SLC36A4: variants seen among roughly 807,000 people sequenced by gnomAD.
SLC36A4 encodes neutral amino acid uniporter 4.
In SLC36A4, 49 loss-of-function variants were observed where a neutral mutation model predicts 50.5. That is an observed-to-expected ratio of 0.97 (90% confidence interval 0.77 to 1.23). The LOEUF (loss-of-function observed/expected upper bound fraction) is 1.23, where lower values mean the gene tolerates loss of function less well. Ranked by LOEUF, SLC36A4 falls within the 50% of genes most tolerant of loss-of-function variation. SLC36A4 has a pLI of 0.00. For missense variants in SLC36A4, 611 were observed against 608.4 expected (o/e 1.00, Z -0.05); for synonymous variants, 207 against 206.5 (o/e 1.00, Z -0.02).
chr11:93,149,838 T>C (rs969360263), intron 10 of SLC36A4, among the ~76,000 whole-genome samples: 1 of 152,018 alleles, frequency 6.6e-6, no homozygotes, highest in Non-Finnish European at 1.5e-5. Flanking sequence ...ATTGTATCCA[T>C]GCTAATTTCT....
intron 5 of SLC36A4, 24 bp from the exon 6 acceptor site, chr11:93,180,905 A>T: frequency 7.0e-7 from 1 of 1,435,980 alleles, no homozygotes; most frequent in South Asian, 1.2e-5. Context: ...TCCACAAATG[A>T]GTATCCAGGA....
Position 93,175,198 on chromosome 11 carries a change from T to G in SLC36A4, c.540+5599A>C, listed in dbSNP as rs373872701. On this transcript the variant is annotated intron_variant, in intron 6 of 10. Transcript: ENST00000326402. ...TGGGAGAGTGTATGTGTCGAGGAAT[T>G]TATCCATTTCTTCTAGATTTTCTAG... is the stretch of plus-strand genomic sequence containing the variant. 3.5e-4 allele frequency among the ~76,000 whole-genome samples: 53 copies of G among 151,290 alleles called. 1 individual carries two copies. The highest frequency in any genetic ancestry group is 2.0e-3 in the East Asian group (10 of 5,104).
intron 9 of SLC36A4, chr11:93,160,302 TCTTG>T (rs1211556517): frequency 1.0e-6 from 1 of 985,326 alleles, no homozygotes; most frequent in Non-Finnish European, 1.2e-6. Context: ...GAAATATGTG[TCTTG>T]ACTGGCTTTC....
At chr11:93,197,304 G>T (rs1364070409) in intron 1 of SLC36A4, 2 of 158,390 alleles carry the variant, frequency 1.3e-5, no homozygotes, top group Non-Finnish European at 2.8e-5. Flanking sequence ...GCAAGCTACA[G>T]GTATCTCCTG....
intron 10 of SLC36A4, 137 bp from the exon 11 acceptor site, chr11:93,148,981 T>C: frequency 2.0e-6 from 2 of 980,384 alleles, no homozygotes; most frequent in Non-Finnish European, 3.0e-6. Context: ...CTATTGCTTG[T>C]GAAAAAAATC....
intron 6 of SLC36A4, among the ~76,000 whole-genome samples, chr11:93,176,714 G>C (rs1026743111): frequency 2.0e-5 from 3 of 152,060 alleles, no homozygotes; most frequent in Non-Finnish European, 4.4e-5. Context: ...ATGAAGCTTA[G>C]TTTGGCTGGA....
At position 93,180,889 on chromosome 11, in the gene SLC36A4, A is replaced by C; in HGVS notation, c.456-8T>G. The C allele has an allele frequency of 6.3e-7, 1 of 1,593,896 alleles. No individual in the cohort carries two copies. The highest frequency in any genetic ancestry group is 8.6e-7 in the Non-Finnish European group (1 of 1,162,038). ...AAAAAGTCAACCACACTCCTGAAAA[A>C]AGATATCCACAAATGAGTATCCAGG... On this transcript the variant is annotated splice_polypyrimidine_tract_variant and splice_region_variant and intron_variant, in intron 5 of 10. Coordinates refer to ENST00000326402, the MANE Select transcript of SLC36A4 (RefSeq NM_152313.4).
Position 93,185,809 on chromosome 11 carries a change from C to T in SLC36A4, c.61G>A (p.Asp21Asn). ...GAARREELDMDVMRPLINEQN... is the reference protein window; with the variant it reads ...GAARREELDMNVMRPLINEQN... ...TCATTTATCAAGGGCCTCATTACAT[C>T]CATATCTTTAAAAAAGAAAAACAAA... The change falls in exon 2 of 11, where the codon GAT becomes AAT. Residue 21 changes from aspartate to asparagine, a missense_variant. Transcript: ENST00000326402. 3 of 1,580,026 alleles carry T rather than the reference C, an allele frequency of 1.9e-6. No homozygotes were observed. The highest frequency in any genetic ancestry group is 2.6e-6 in the Non-Finnish European group (3 of 1,171,440).
chr11:93,173,260 G>A (rs1278592658), intron 6 of SLC36A4, among the ~76,000 whole-genome samples: 6 of 150,704 alleles, frequency 4.0e-5, no homozygotes, highest in Admixed American at 6.6e-5. Flanking sequence ...AGAAGTGTCC[G>A]TTCATGTCCT....
chr11:93,154,788 T>G (rs1218562714), intron 9 of SLC36A4: 1 of 152,136 alleles, frequency 6.6e-6, no homozygotes, highest in Non-Finnish European at 1.5e-5. Flanking sequence ...CTAAACGGTT[T>G]CAACTTGCTA....
At chr11:93,162,945 A>T (rs1860697990) in intron 8 of SLC36A4, 70 bp from the exon 9 acceptor site, 1 of 1,449,002 alleles carries the variant, frequency 6.9e-7, no homozygotes, top group East Asian at 2.4e-5. Context: ...TCTCTTATAC[A>T]TACAAATTGG....
intron 6 of SLC36A4, among the ~76,000 whole-genome samples, chr11:93,179,642 T>A (rs767951747): frequency 6.6e-6 from 1 of 152,190 alleles, no homozygotes; most frequent in Non-Finnish European, 1.5e-5. Flanking sequence ...CCTAACTAGC[T>A]ATGAACTCTT....
At chr11:93,155,497 A>C (rs1860314781) in intron 9 of SLC36A4, 1 of 151,950 alleles carries the variant, frequency 6.6e-6, no homozygotes, top group African/African-American at 2.4e-5. Context: ...TTTAAGTATA[A>C]ATGTACTTAA....
chr11:93,196,057 T>A (rs959357690), intron 1 of SLC36A4, among the ~76,000 whole-genome samples: 5 of 152,228 alleles, frequency 3.3e-5, no homozygotes, highest in Non-Finnish European at 7.3e-5. Context: ...TTGCTCACGA[T>A]GTATCTCAAG....
At chr11:93,155,880 T>C (rs532725537) in intron 9 of SLC36A4, among the ~76,000 whole-genome samples, 1 of 152,298 alleles carries the variant, frequency 6.6e-6, no homozygotes, top group South Asian at 2.1e-4. Context: ...TCCAGCTCCA[T>C]CCATGTTCCT....
intron 1 of SLC36A4, among the ~76,000 whole-genome samples, chr11:93,193,790 T>C (rs919366150): frequency 6.6e-6 from 1 of 152,160 alleles, no homozygotes; most frequent in Non-Finnish European, 1.5e-5. Context: ...AATTTAGCAA[T>C]ATCCTATGTA....
intron 4 of SLC36A4, chr11:93,182,141 T>A (rs1284557001): frequency 5.7e-6 from 1 of 175,544 alleles, no homozygotes. Flanking sequence ...TAGAACAGCA[T>A]TATTTAATAA....
At chr11:93,167,749 C>T (rs570967161) in intron 7 of SLC36A4, among the ~76,000 whole-genome samples, 195 bp downstream of exon 7, 1 of 152,200 alleles carries the variant, frequency 6.6e-6, no homozygotes, top group South Asian at 2.1e-4. Context: ...ACCACAAAGC[C>T]TGTTTAATCT....
chr11:93,197,824 C>A lies in SLC36A4; in HGVS notation c.9G>T (p.Ala3=). 4.4e-6 allele frequency: 7 copies of A among 1,577,392 alleles called. No individual in the cohort carries two copies. Among genetic ancestry groups the A allele is most frequent in the Non-Finnish European group, 6.0e-6 (7 of 1,169,796 alleles). ...CCCCGGCAGCCGCCGGCGTCGCCGC[C>A]GCTTCCATCTCTCGCGGGTCTCCAG... is the stretch of plus-strand genomic sequence containing the variant. ME[A]AATPAAAGAA... The change falls in exon 1 of 11, where the codon GCG becomes GCT. Residue 3 remains alanine (A), a synonymous_variant. Transcript: ENST00000326402.
Sources: gnomAD v4.1 joint callset for allele counts (sites outside exome capture counted in the v4.1 genomes callset) on GRCh38, gnomAD v4.1.1 for gene constraint, MANE v1.5 for transcripts, NCBI Gene and HGNC (gene_info 2026-07-23, HGNC 2026-07-21) for gene names.